NAV2: variants seen among roughly 807,000 people sequenced by gnomAD.
NAV2 encodes the protein neuron navigator 2.
Under a neutral mutation model 223.2 loss-of-function variants are expected in NAV2, and 54 were observed. The ratio of observed to expected loss-of-function variants is 0.24; its 90% CI spans 0.19 to 0.30. The LOEUF is 0.30. Ranked by LOEUF, NAV2 falls within the 10% of genes least tolerant of loss-of-function variation. NAV2 has a pLI of 1.00. For missense variants in NAV2, 2,806 were observed against 3,147.5 expected (o/e 0.89, Z 2.60); for synonymous variants, 1,279 against 1,239.3 (o/e 1.03, Z -0.67).
rs1266723195 is a variant in NAV2 at position 19,825,317 on chromosome 11, A to G, written c.268-7167A>G. ...AAAAAAAAAAAAAAAAAAAAAAAAA[A>G]AAAAGGCATTATATGATGACATTAC... On this transcript the variant is annotated intron_variant, in intron 1 of 37. Transcript: ENST00000349880. Among the ~76,000 whole-genome samples, 7 of 151,076 alleles carry G rather than the reference A, an allele frequency of 4.6e-5. No homozygotes were observed. The South Asian group carries it at 6.3e-4, about 14-fold the overall frequency.
At chr11:19,703,811 C>T (rs2049580360) in intron 1 of NAV2, among the ~76,000 whole-genome samples, 1 of 152,216 alleles carries the variant, frequency 6.6e-6, no homozygotes, top group African/African-American at 2.4e-5. Flanking sequence ...AGAGAGCTTT[C>T]TCAACATTCT....
intron 1 of NAV2, among the ~76,000 whole-genome samples, chr11:19,490,861 T>C (rs2042601970): frequency 1.3e-5 from 2 of 152,226 alleles, no homozygotes; most frequent in Admixed American, 1.3e-4. Flanking sequence ...TGAAATGTAT[T>C]TTTGAAATAA....
intron 1 of NAV2, among the ~76,000 whole-genome samples, chr11:19,659,323 A>G (rs1242144530): frequency 6.6e-6 from 1 of 152,092 alleles, no homozygotes; most frequent in Non-Finnish European, 1.5e-5. Flanking sequence ...GTTCAGATGG[A>G]GTGTGTGGTG....
intron 1 of NAV2, among the ~76,000 whole-genome samples, chr11:19,499,846 T>C (rs1388891262): frequency 6.6e-6 from 1 of 152,234 alleles, no homozygotes; most frequent in African/African-American, 2.4e-5. Context: ...GGGTAGATTA[T>C]GTTTATCTCC....
At chr11:20,050,801 G>A (rs1182607088) in intron 16 of NAV2, among the ~76,000 whole-genome samples, 8 of 152,200 alleles carry the variant, frequency 5.3e-5, no homozygotes, top group Non-Finnish European at 1.2e-4. Context: ...TTCCAAATAT[G>A]CAGACTGCTG....
At chr11:20,045,956 A>G (rs1453859141) in intron 14 of NAV2, among the ~76,000 whole-genome samples, 1 of 152,190 alleles carries the variant, frequency 6.6e-6, no homozygotes, top group African/African-American at 2.4e-5. Context: ...CCTCACCTGT[A>G]AAATGGGGAT....
intron 1 of NAV2, among the ~76,000 whole-genome samples, chr11:19,781,926 A>G (rs761778089): frequency 6.6e-6 from 1 of 152,192 alleles, no homozygotes; most frequent in African/African-American, 2.4e-5. Context: ...CTTTACACGT[A>G]TAGACTGATT....
intron 1 of NAV2, chr11:19,777,577 C>T: frequency 2.2e-6 from 1 of 454,404 alleles, no homozygotes. Flanking sequence ...ACCCCCCACC[C>T]CGCCCCCCAT....
chr11:19,983,673 C>T (rs1438431397), intron 10 of NAV2, among the ~76,000 whole-genome samples: 1 of 152,198 alleles, frequency 6.6e-6, no homozygotes, highest in African/African-American at 2.4e-5. Flanking sequence ...TCCTTTCTTT[C>T]CCCCTCTCTC....
In NAV2 at chr11:20,044,951, G is replaced by T. The variant is rs1273526349; in HGVS notation, c.3200-17G>T. On this transcript the variant is annotated splice_polypyrimidine_tract_variant and intron_variant, in intron 13 of 37. Transcript: ENST00000349880. ...GGCTCTTGGCTTGCAGGCTAATCTTGCTGATCTCTCTCTTAGGAAAAACAG... is the reference window on the plus strand; with the variant it reads ...GGCTCTTGGCTTGCAGGCTAATCTTTCTGATCTCTCTCTTAGGAAAAACAG... 1 of 1,585,742 alleles carries T rather than the reference G, an allele frequency of 6.3e-7. No homozygotes were observed. The highest frequency in any genetic ancestry group is 1.2e-5 in the South Asian group (1 of 86,258).
At chr11:19,735,502 T>C (rs1035700) in intron 1 of NAV2, among the ~76,000 whole-genome samples, 85,735 of 152,142 alleles carry the variant, frequency 0.56, 25,172 homozygotes, top group African/African-American at 0.74. Context: ...ATCCTCCCAA[T>C]CTTTCTGTGA....
At chr11:19,724,923 G>A (rs924321871) in intron 1 of NAV2, among the ~76,000 whole-genome samples, 1 of 152,228 alleles carries the variant, frequency 6.6e-6, no homozygotes, top group Admixed American at 6.5e-5. Context: ...GGGCACAGTA[G>A]GCACTTAAGA....
chr11:19,708,998 C>A (rs1431592609), upstream of NAV2, among the ~76,000 whole-genome samples: 1 of 151,860 alleles, frequency 6.6e-6, no homozygotes, highest in Non-Finnish European at 1.5e-5. Context: ...CAGTGACTTG[C>A]GTTAGCCTCC....
intron 16 of NAV2, among the ~76,000 whole-genome samples, chr11:20,050,674 G>A (rs1015901042): frequency 6.6e-6 from 1 of 151,804 alleles, no homozygotes; most frequent in Non-Finnish European, 1.5e-5. Context: ...AGAAATCCAA[G>A]TGCTTTGACT....
chr11:19,438,281 A>G (rs1564935771), intron 1 of NAV2, among the ~76,000 whole-genome samples: 2 of 152,214 alleles, frequency 1.3e-5, no homozygotes, highest in Non-Finnish European at 2.9e-5. Flanking sequence ...TCTACAGGTG[A>G]AGAAGCTGAG....
chr11:20,036,081 A>G lies in NAV2; in HGVS notation c.2891A>G (p.Lys964Arg), dbSNP rs2056334646. The G allele has an allele frequency of 1.9e-6, 3 of 1,614,164 alleles. No homozygotes were observed. The highest frequency in any genetic ancestry group is 2.5e-6 in the Non-Finnish European group (3 of 1,179,998). ...SYANTPASSR[K>R]NLDVQTDAEK... ...GCCAACACACCTGCCTCCTCTCGAA[A>G]AAACCTGGATGTGCAGGTGAGGAAC... The change falls in exon 12 of 38, where the codon AAA (lysine) becomes AGA (arginine). Residue 964 changes from lysine to arginine, a missense_variant. By Grantham distance (26) the Lys-to-Arg change is conservative. Coordinates refer to ENST00000349880, the MANE Select transcript of NAV2 (RefSeq NM_145117.5).
chr11:19,820,848 A>G (rs2059331586), intron 1 of NAV2, among the ~76,000 whole-genome samples: 1 of 152,224 alleles, frequency 6.6e-6, no homozygotes, highest in Non-Finnish European at 1.5e-5. Context: ...CACAGGTACA[A>G]AACACCTGGC....
chr11:19,982,453 A>G (rs2050386730), intron 10 of NAV2, among the ~76,000 whole-genome samples: 1 of 152,152 alleles, frequency 6.6e-6, no homozygotes, highest in South Asian at 2.1e-4. Context: ...ACCATTTTAA[A>G]GCATACAATT....
intron 22 of NAV2, among the ~76,000 whole-genome samples, chr11:20,074,587 T>C (rs2059604283): frequency 6.6e-6 from 1 of 152,122 alleles, no homozygotes; most frequent in African/African-American, 2.4e-5. Flanking sequence ...TGTAGGTCTC[T>C]AAGGACTTGC....
Sources: gnomAD v4.1 joint callset for allele counts (sites outside exome capture counted in the v4.1 genomes callset) on GRCh38, gnomAD v4.1.1 for gene constraint, MANE v1.5 for transcripts, NCBI Gene and HGNC (gene_info 2026-07-23, HGNC 2026-07-21) for gene names.